Variants in PREX1 observed in about 807,000 individuals in gnomAD.
The protein encoded by PREX1 is phosphatidylinositol-3,4,5-trisphosphate dependent Rac exchange factor 1.
PREX1 carries 41 observed loss-of-function variants against 198.3 expected under a neutral mutation model. The ratio of observed to expected loss-of-function variants is 0.21; its 90% CI spans 0.16 to 0.27. The LOEUF (loss-of-function observed/expected upper bound fraction) is 0.27, where lower values mean the gene tolerates loss of function less well. Ranked by LOEUF, PREX1 falls within the 10% of genes least tolerant of loss-of-function variation. The pLI, the probability that PREX1 is intolerant of heterozygous loss-of-function variation, is 1.00. For synonymous variants in PREX1, 843 were observed against 887.2 expected (o/e 0.95, Z 0.89); for missense variants, 1,620 against 2,200.7 (o/e 0.74, Z 5.28).
intron 37 of PREX1, among the ~76,000 whole-genome samples, chr20:48,628,538 G>A (rs13040578): frequency 0.3 from 45,746 of 152,020 alleles, 6,976 homozygotes; most frequent in Middle Eastern, 0.44. Context: ...TGGAGGGGCT[G>A]TCCTGGGAAC....
intron 1 of PREX1, among the ~76,000 whole-genome samples, chr20:48,809,211 A>C (rs563325615): frequency 6.6e-6 from 1 of 152,334 alleles, no homozygotes; most frequent in Non-Finnish European, 1.5e-5. Context: ...GATAGGAGCA[A>C]GGATTCTGAG....
chr20:48,846,974 C>T, the PREX1 span, among the ~76,000 whole-genome samples: 2 of 152,142 alleles, frequency 1.3e-5, no homozygotes, highest in East Asian at 3.9e-4. Context: ...CTCTGGGAGT[C>T]CCCTAAGTAT....
At chr20:48,759,564 A>AAAAG (rs2090170254) in intron 1 of PREX1, among the ~76,000 whole-genome samples, 1 of 150,912 alleles carries the variant, frequency 6.6e-6, no homozygotes, top group African/African-American at 2.4e-5. Flanking sequence ...AAAAAAAAAA[A>AAAAG]AAAAGAAAAG....
rs148396411 is a variant in PREX1 at position 48,627,361 on chromosome 20, G to T, written c.4937+187C>A. 4.7e-3 allele frequency among the ~76,000 whole-genome samples: 711 copies of T among 152,172 alleles called. 2 individuals carry two copies. Among genetic ancestry groups the T allele is most frequent in the Non-Finnish European group, 7.6e-3 (519 of 67,994 alleles). ...GGCACACCTGGGGGCTCATCTTCCC[G>T]GTGGGAGCAGGAGCTCCTTTGGGAG... On this transcript the variant is annotated intron_variant, in intron 39 of 39. Transcript: ENST00000371941.
chr20:48,701,006 C>T (rs1601085320), intron 6 of PREX1, 120 bp from the exon 7 acceptor site: 1 of 1,345,452 alleles, frequency 7.4e-7, no homozygotes. Flanking sequence ...GCAAGTCTGT[C>T]AATGGACAGA....
At chr20:48,796,028 C>T (rs2090360953) in intron 1 of PREX1, among the ~76,000 whole-genome samples, 1 of 152,182 alleles carries the variant, frequency 6.6e-6, no homozygotes. Flanking sequence ...TTAACAAGAG[C>T]AACTGGGGCT....
intron 1 of PREX1, among the ~76,000 whole-genome samples, chr20:48,814,937 G>A (rs761670435): frequency 8.6e-5 from 13 of 151,996 alleles, no homozygotes; most frequent in Non-Finnish European, 1.6e-4. Flanking sequence ...AAGACACAGA[G>A]GCAGAAACGA....
At chr20:48,721,339 G>A (rs2089984309) in intron 5 of PREX1, among the ~76,000 whole-genome samples, 1 of 152,214 alleles carries the variant, frequency 6.6e-6, no homozygotes, top group Admixed American at 6.5e-5. Flanking sequence ...CAAGGTGAAG[G>A]GGACAGAGAA....
chr20:48,737,888 G>A (rs2090064062), intron 3 of PREX1, among the ~76,000 whole-genome samples: 1 of 152,136 alleles, frequency 6.6e-6, no homozygotes, highest in African/African-American at 2.4e-5. Context: ...ACGGAGTCCT[G>A]GATCTAGCTA....
In PREX1 at chr20:48,827,623, G is replaced by T; in HGVS notation, c.219+19C>A. 1 of 1,275,008 alleles carries T rather than the reference G, an allele frequency of 7.8e-7. No homozygotes were observed. 79.0% of individuals were successfully genotyped at this position (1,275,008 alleles called of 1,614,324 possible). A position where few individuals can be genotyped will look rare whatever the true frequency, so the allele number is the denominator to read the frequency against. ...CGGCTGGAGGGAAAGCTGTCCCCAA[G>T]CTCCCGAGCGACACTCACCGACTGC... On this transcript the variant is annotated intron_variant, in intron 1 of 39. Transcript: ENST00000371941. This position sits in a 1 kb window ranked among gnomAD's most constrained non-coding sequence, Gnocchi z 4.1.
intron 1 of PREX1, among the ~76,000 whole-genome samples, chr20:48,750,099 A>G: frequency 6.6e-6 from 1 of 152,110 alleles, no homozygotes; most frequent in East Asian, 1.9e-4. Flanking sequence ...CTGTCTTTCA[A>G]GGGCTCTAGC....
intron 7 of PREX1, among the ~76,000 whole-genome samples, chr20:48,696,606 CACATACATACATACAT>C (rs56182314): frequency 4.3e-4 from 62 of 142,812 alleles, no homozygotes; most frequent in Non-Finnish European, 7.5e-4. Context: ...TACACACACA[CACATACATACATACAT>C]ACATACATAC....
intron 1 of PREX1, among the ~76,000 whole-genome samples, chr20:48,778,923 G>A (rs1355554828): frequency 6.6e-6 from 1 of 151,964 alleles, no homozygotes; most frequent in Admixed American, 6.6e-5. Flanking sequence ...GAAAACAGGA[G>A]AAAATCCTTG....
At chr20:48,692,027 C>T (rs2089821870) in intron 8 of PREX1, among the ~76,000 whole-genome samples, 1 of 152,134 alleles carries the variant, frequency 6.6e-6, no homozygotes, top group Non-Finnish European at 1.5e-5. Flanking sequence ...GTAGCTGGGA[C>T]CACAGTTGCA....
intron 5 of PREX1, among the ~76,000 whole-genome samples, chr20:48,713,001 G>A (rs2089940691): frequency 6.6e-6 from 1 of 152,262 alleles, no homozygotes; most frequent in Non-Finnish European, 1.5e-5. Flanking sequence ...GCACGTGCCT[G>A]TAGTCCCAGC....
At chr20:48,657,282 G>T in intron 17 of PREX1, 94 bp from the exon 18 acceptor site, 1 of 1,441,952 alleles carries the variant, frequency 6.9e-7, no homozygotes, top group Admixed American at 1.8e-5. Flanking sequence ...GCAGAAGGGT[G>T]CTGGCCCAAG....
At chr20:48,673,556 C>T (rs2089690095) in intron 14 of PREX1, among the ~76,000 whole-genome samples, 1 of 152,190 alleles carries the variant, frequency 6.6e-6, no homozygotes, top group East Asian at 1.9e-4. Context: ...AAGTGGGCAG[C>T]TCTGAGAGCC....
At chr20:48,774,567 A>G (rs1191679351) in intron 1 of PREX1, among the ~76,000 whole-genome samples, 1 of 152,200 alleles carries the variant, frequency 6.6e-6, no homozygotes, top group Non-Finnish European at 1.5e-5. Flanking sequence ...CTCAGTTTCT[A>G]CATTCATAAA....
chr20:48,879,581 C>T, the PREX1 span, among the ~76,000 whole-genome samples: 5 of 152,298 alleles, frequency 3.3e-5, no homozygotes, highest in Admixed American at 6.5e-5. Context: ...GCGTCTCATT[C>T]ATGCTACATA....
Sources: gnomAD v4.1 joint callset for allele counts (sites outside exome capture counted in the v4.1 genomes callset) on GRCh38, gnomAD v4.1.1 for gene constraint, Gnocchi (gnomAD v3.1) non-coding constraint, MANE v1.5 for transcripts, NCBI Gene and HGNC (gene_info 2026-07-23, HGNC 2026-07-21) for gene names.